Variants in WDR7 observed in about 807,000 individuals in gnomAD.
The protein encoded by WDR7 is WD repeat-containing protein 7.
A neutral mutation model predicts 169.4 loss-of-function variants in WDR7; 46 were observed. The ratio of observed to expected loss-of-function variants is 0.27; its 90% CI spans 0.21 to 0.35. The LOEUF (loss-of-function observed/expected upper bound fraction) is 0.35, where lower values mean the gene tolerates loss of function less well. Among genes scored for constraint, WDR7 ranks in the 10% least tolerant of loss-of-function variants. The pLI is 1.00. For synonymous variants in WDR7, 612 were observed against 666.8 expected, an observed-to-expected ratio of 0.92 and a Z score of 1.27; for missense variants, 1,534 against 1,859.3, an observed-to-expected ratio of 0.83 and a Z score of 3.22.
At chr18:56,734,550 T>C (rs1347432338) in intron 14 of WDR7, among the ~76,000 whole-genome samples, 1 of 147,050 alleles carries the variant, frequency 6.8e-6, no homozygotes, top group African/African-American at 2.5e-5. Context: ...AAGCTTGAAA[T>C]AGCAGGAATC....
chr18:56,802,545 T>G (rs756700141), intron 19 of WDR7, among the ~76,000 whole-genome samples: 3 of 149,358 alleles, frequency 2.0e-5, no homozygotes, highest in African/African-American at 7.4e-5. Flanking sequence ...TTTTTTTGTA[T>G]TTTTAGTAGA....
chr18:56,801,231 A>G (rs1436254988), intron 19 of WDR7, among the ~76,000 whole-genome samples: 1 of 152,216 alleles, frequency 6.6e-6, no homozygotes, highest in African/African-American at 2.4e-5. Flanking sequence ...TTGCTAACTC[A>G]TACCATGTGA....
chr18:56,682,990 T>A (rs2025379065), intron 5 of WDR7, 137 bp downstream of exon 5: 1 of 953,874 alleles, frequency 1.0e-6, no homozygotes. Context: ...CAATAATTTA[T>A]GGTCTGTTTC....
intron 19 of WDR7, among the ~76,000 whole-genome samples, chr18:56,808,709 G>C (rs545798015): frequency 6.6e-6 from 1 of 152,066 alleles, no homozygotes; most frequent in Admixed American, 6.6e-5. Context: ...TAGCCAGTTG[G>C]AAAAAAATTC....
At chr18:57,014,941 T>C (rs191389378) in intron 26 of WDR7, among the ~76,000 whole-genome samples, 59 of 152,252 alleles carry the variant, frequency 3.9e-4, no homozygotes, top group Admixed American at 2.4e-3. Flanking sequence ...CACACTAAGA[T>C]TGGTCACCAG....
chr18:56,686,078 T>G, intron 6 of WDR7, 46 bp downstream of exon 6: 2 of 1,506,732 alleles, frequency 1.3e-6, no homozygotes, highest in Non-Finnish European at 1.8e-6. Flanking sequence ...TTATTCTCTG[T>G]AGCTCAAAAT....
chr18:56,814,304 A>T (rs1379216403), intron 19 of WDR7, among the ~76,000 whole-genome samples: 3 of 152,100 alleles, frequency 2.0e-5, no homozygotes, highest in Non-Finnish European at 1.5e-5. Context: ...TATTTTTTCA[A>T]TGTTTCTCTG....
intron 26 of WDR7, among the ~76,000 whole-genome samples, chr18:56,966,864 A>C (rs75473121): frequency 0.039 from 5,908 of 152,124 alleles, 152 homozygotes; most frequent in African/African-American, 0.07. Flanking sequence ...TTCAAACTGG[A>C]TTCAAGAAGG....
chr18:56,916,751 T>C (rs539385936), intron 21 of WDR7, among the ~76,000 whole-genome samples: 1 of 152,142 alleles, frequency 6.6e-6, no homozygotes, highest in East Asian at 1.9e-4. Flanking sequence ...TTACTGTTTG[T>C]GTGTATGTGT....
chr18:56,781,754 G>A, intron 19 of WDR7, 98 bp downstream of exon 19: 1 of 1,234,528 alleles, frequency 8.1e-7, no homozygotes. Flanking sequence ...CAACAAAAAT[G>A]AGTCACTGAC....
chr18:56,879,858 A>G (rs1213713187), intron 20 of WDR7, 86 bp from the exon 21 acceptor site: 2 of 1,072,224 alleles, frequency 1.9e-6, no homozygotes, highest in East Asian at 2.4e-5. Flanking sequence ...TTCTTTCCGA[A>G]CGTGCAGTCC....
intron 12 of WDR7, among the ~76,000 whole-genome samples, chr18:56,706,153 A>T (rs533931450): frequency 4.6e-5 from 7 of 152,376 alleles, no homozygotes; most frequent in African/African-American, 1.7e-4. Flanking sequence ...CTGAGAGGGA[A>T]AATGTTCATG....
intron 20 of WDR7, among the ~76,000 whole-genome samples, chr18:56,877,451 C>A (rs992567689): frequency 6.6e-6 from 1 of 152,104 alleles, no homozygotes; most frequent in African/African-American, 2.4e-5. Flanking sequence ...CAACTGTTTT[C>A]AAGGAATGAT....
At chr18:56,799,025 A>T (rs2044628517) in intron 19 of WDR7, among the ~76,000 whole-genome samples, 1 of 152,200 alleles carries the variant, frequency 6.6e-6, no homozygotes, top group Admixed American at 6.5e-5. Context: ...AGGCTGGAGA[A>T]TATAATGATA....
intron 21 of WDR7, among the ~76,000 whole-genome samples, chr18:56,887,734 G>A (rs947501322): frequency 1.7e-4 from 26 of 151,776 alleles, no homozygotes; most frequent in African/African-American, 6.3e-4. Context: ...GGATTTTCAA[G>A]ACCTTTCTTA....
chr18:56,743,903 G>T (rs986680227), intron 14 of WDR7, among the ~76,000 whole-genome samples: 2 of 152,042 alleles, frequency 1.3e-5, no homozygotes, highest in African/African-American at 4.8e-5. Context: ...GGGAAGGAAG[G>T]CAGTTGGCCT....
At chr18:56,977,119 G>A (rs981791139) in intron 26 of WDR7, among the ~76,000 whole-genome samples, 4 of 152,178 alleles carry the variant, frequency 2.6e-5, no homozygotes, top group African/African-American at 4.8e-5. Context: ...TCAAGCCAAT[G>A]TATGTAAGAT....
At chr18:56,661,204 A>G (rs1160044863) in intron 1 of WDR7, among the ~76,000 whole-genome samples, 2 of 152,106 alleles carry the variant, frequency 1.3e-5, no homozygotes, top group Admixed American at 1.3e-4. Context: ...TGGAGATGCA[A>G]ATGAGATTAG....
At chr18:56,978,089 C>T (rs2047592891) in intron 26 of WDR7, among the ~76,000 whole-genome samples, 2 of 152,216 alleles carry the variant, frequency 1.3e-5, no homozygotes, top group Admixed American at 1.3e-4. Flanking sequence ...TATACCTATA[C>T]AGCAGTTTGT....
Sources: gnomAD v4.1 joint callset for allele counts (sites outside exome capture counted in the v4.1 genomes callset) on GRCh38, gnomAD v4.1.1 for gene constraint, MANE v1.5 for transcripts, NCBI Gene and HGNC (gene_info 2026-07-23, HGNC 2026-07-21) for gene names.